Variants in ASIC2 observed in about 807,000 individuals in gnomAD.
ASIC2 encodes acid sensing ion channel subunit 2, also known as acid-sensing ion channel 2.
ASIC2 carries 25 observed loss-of-function variants against 57.3 expected under a neutral mutation model. That is an observed-to-expected ratio of 0.44 (90% CI 0.32 to 0.61). The LOEUF (loss-of-function observed/expected upper bound fraction) is 0.61. Ranked by LOEUF, ASIC2 falls within the 20% of genes least tolerant of loss-of-function variation. The probability of loss-of-function intolerance (pLI) is 0.06; values close to 1 mark genes in which losing one functional copy is unlikely to be tolerated. For synonymous variants in ASIC2, 319 were observed against 307.5 expected (o/e 1.04, Z -0.39); for missense variants, 641 against 738.1 (o/e 0.87, Z 1.52).
chr17:33,225,050 C>G (rs1907828334), intron 1 of ASIC2, among the ~76,000 whole-genome samples: 1 of 152,160 alleles, frequency 6.6e-6, no homozygotes, highest in South Asian at 2.1e-4. Flanking sequence ...AATGGGAGAC[C>G]TGGCATAGAA....
chr17:33,839,154 G>A (rs1265783016), intron 1 of ASIC2, among the ~76,000 whole-genome samples: 1 of 152,184 alleles, frequency 6.6e-6, no homozygotes, highest in East Asian at 1.9e-4. Flanking sequence ...CAGGATTTAG[G>A]TGCTTGTCTT....
At chr17:33,935,564 A>G (rs562975337) in intron 1 of ASIC2, 18 of 152,374 alleles carry the variant, frequency 1.2e-4, no homozygotes, top group African/African-American at 4.3e-4. Context: ...TGATATTACC[A>G]TCCATGGTGC....
At chr17:33,319,732 C>T (rs965009597) in intron 1 of ASIC2, among the ~76,000 whole-genome samples, 1 of 152,150 alleles carries the variant, frequency 6.6e-6, no homozygotes, top group Admixed American at 6.5e-5. Flanking sequence ...TGGGGTTTCA[C>T]CATGTTGCCG....
intron 1 of ASIC2, among the ~76,000 whole-genome samples, chr17:33,774,592 C>T (rs1223376061): frequency 6.6e-6 from 1 of 152,198 alleles, no homozygotes; most frequent in Non-Finnish European, 1.5e-5. Context: ...ATCTGGAAAG[C>T]AAAACATTTT....
At chr17:33,374,414 G>A (rs547120108) in intron 1 of ASIC2, among the ~76,000 whole-genome samples, 1 of 152,202 alleles carries the variant, frequency 6.6e-6, no homozygotes, top group East Asian at 1.9e-4. Context: ...CAGTGCACGA[G>A]GATGGTTTTC....
At chr17:33,769,309 G>A (rs1388377919) in intron 1 of ASIC2, among the ~76,000 whole-genome samples, 1 of 152,236 alleles carries the variant, frequency 6.6e-6, no homozygotes, top group Non-Finnish European at 1.5e-5. Flanking sequence ...TTCATGCAGT[G>A]TTGGCCGTGG....
At chr17:34,129,379 G>A (rs1309626105) in intron 1 of ASIC2, among the ~76,000 whole-genome samples, 2 of 152,138 alleles carry the variant, frequency 1.3e-5, no homozygotes, top group Admixed American at 6.5e-5. Flanking sequence ...TTCTTTTCCT[G>A]TAAAATGTAA....
intron 1 of ASIC2, among the ~76,000 whole-genome samples, chr17:33,941,168 C>T (rs1916184309): frequency 1.3e-5 from 2 of 152,152 alleles, no homozygotes; most frequent in South Asian, 4.1e-4. Context: ...GGTGGAAACT[C>T]ATGAGGGGCC....
chr17:33,127,508 G>A (rs758717119), intron 1 of ASIC2, among the ~76,000 whole-genome samples: 1 of 152,124 alleles, frequency 6.6e-6, no homozygotes, highest in Non-Finnish European at 1.5e-5. Context: ...GACTCTTCAG[G>A]GTGGTCTGGT....
rs1001919220 is a variant in ASIC2, at chr17:34,010,974, G to GCACA, written c.555+145000_555+145003dup. Among the ~76,000 whole-genome samples, 58 of 23,884 alleles carry GCACA rather than the reference G, an allele frequency of 2.4e-3. 1 individual carries two copies. Among genetic ancestry groups the GCACA allele is most frequent in the Admixed American group, 9.0e-4 (2 of 2,224 alleles). 15.7% of individuals were successfully genotyped at this position (23,884 alleles called of 152,430 possible). A position where few individuals can be genotyped will look rare whatever the true frequency, so the allele number is the denominator to read the frequency against. On this transcript the variant is annotated intron_variant, in intron 1 of 9. Transcript: ENST00000359872. ...TTCCTGCAGTCAGACACATGCACAC[G>GCACA]CACACACACATACCTCTAGTCAGAC...
At chr17:33,959,822 A>G (rs1426850117) in intron 1 of ASIC2, among the ~76,000 whole-genome samples, 1 of 152,224 alleles carries the variant, frequency 6.6e-6, no homozygotes, top group Non-Finnish European at 1.5e-5. Context: ...ATACCCAGGA[A>G]CAATACTTTG....
chr17:33,081,752 C>T (rs1233974862), intron 3 of ASIC2, among the ~76,000 whole-genome samples: 1 of 152,108 alleles, frequency 6.6e-6, no homozygotes, highest in African/African-American at 2.4e-5. Flanking sequence ...GCTGCTGGGC[C>T]TTTTTATTTA....
rs528789077 is a variant in ASIC2, at chr17:34,131,949, C to T, written c.555+24029G>A. 3.3e-5 allele frequency among the ~76,000 whole-genome samples: 5 copies of T among 152,296 alleles called. No homozygotes were observed. The South Asian group carries it at 1.0e-3, about 32-fold the overall frequency. On this transcript the variant is annotated intron_variant, in intron 1 of 9. Coordinates refer to the ASIC2 transcript ENST00000359872. ...TTAGGAACTCTGGTCTCTCTTGGGG[C>T]AGTGGGACGGGGACATTTTGGAAAC...
chr17:34,011,014 ATGC>A (rs1906706906), intron 1 of ASIC2, among the ~76,000 whole-genome samples: 4 of 1,516 alleles, frequency 2.6e-3, no homozygotes, highest in African/African-American at 3.8e-3. Context: ...ACACACACAG[ATGC>A]CAAAGTCAGA....
intron 1 of ASIC2, among the ~76,000 whole-genome samples, chr17:33,467,630 T>C (rs1366698148): frequency 6.6e-6 from 1 of 152,242 alleles, no homozygotes; most frequent in Non-Finnish European, 1.5e-5. Context: ...TGATAAAACC[T>C]TGGTCTCCAC....
At chr17:33,582,156 C>G (rs1904465134) in intron 1 of ASIC2, among the ~76,000 whole-genome samples, 1 of 152,186 alleles carries the variant, frequency 6.6e-6, no homozygotes, top group African/African-American at 2.4e-5. Flanking sequence ...TTTGTTACAA[C>G]AGCTGTCGAA....
intron 1 of ASIC2, among the ~76,000 whole-genome samples, chr17:33,362,863 A>G (rs1908664925): frequency 6.6e-6 from 1 of 152,254 alleles, no homozygotes; most frequent in East Asian, 1.9e-4. Flanking sequence ...GCAGACATGG[A>G]GAAAATGGTT....
At chr17:33,868,304 C>G (rs1914299713) in intron 1 of ASIC2, among the ~76,000 whole-genome samples, 1 of 151,918 alleles carries the variant, frequency 6.6e-6, no homozygotes, top group Non-Finnish European at 1.5e-5. Context: ...GGGATGAAAA[C>G]AGCTATAGAT....
At chr17:34,105,073 G>A (rs1910995144) in intron 1 of ASIC2, among the ~76,000 whole-genome samples, 1 of 151,966 alleles carries the variant, frequency 6.6e-6, no homozygotes, top group South Asian at 2.1e-4. Context: ...GGAACCAAGA[G>A]TTTATTTGTT....
Sources: allele counts gnomAD v4.1 joint callset (sites outside exome capture counted in the v4.1 genomes callset), GRCh38; gene constraint gnomAD v4.1.1; transcripts MANE v1.5; gene names NCBI Gene and HGNC (gene_info 2026-07-23, HGNC 2026-07-21).